Variants in ZNF727 observed in about 807,000 individuals in gnomAD.
ZNF727 encodes zinc finger protein 727, also known as putative zinc finger protein 727.
In ZNF727, 11 loss-of-function variants were observed where a neutral mutation model predicts 11.5. That is an observed-to-expected ratio of 0.95 (90% CI 0.60 to 1.58). ZNF727 has a LOEUF of 1.58. Among genes scored for constraint, ZNF727 ranks in the 40% most tolerant of loss-of-function variants. The pLI is 0.00. For synonymous variants in ZNF727, 171 were observed against 196.1 expected, an observed-to-expected ratio of 0.87 and a Z score of 1.07; for missense variants, 533 against 581.7, an observed-to-expected ratio of 0.92 and a Z score of 0.86.
chr7:64,076,926 T>C (rs952075810), intron 3 of ZNF727, among the ~76,000 whole-genome samples: 1 of 152,130 alleles, frequency 6.6e-6, no homozygotes, highest in African/African-American at 2.4e-5. Flanking sequence ...TACCACTGTT[T>C]TATTTATTTT....
chr7:64,055,379 C>T (rs1236916581), intron 1 of ZNF727, among the ~76,000 whole-genome samples: 1 of 151,362 alleles, frequency 6.6e-6, no homozygotes, highest in African/African-American at 2.4e-5. Context: ...GATCACACCA[C>T]TGCACTCCAG....
rs1372495236 is a variant in ZNF727 at position 64,045,486 on chromosome 7, C to T, written c.-136C>T. On this transcript the variant is annotated 5_prime_UTR_variant, in exon 1 of 4. Transcript: ENST00000456806. Reference sequence around the variant, plus strand: ...TCTCCTAGCTTCTAGGCTCTGAGTCCAGTACCCGTCTGTACTATTCCATCT... The same window carrying T: ...TCTCCTAGCTTCTAGGCTCTGAGTCTAGTACCCGTCTGTACTATTCCATCT... 2 of 1,221,744 alleles carry T rather than the reference C, an allele frequency of 1.6e-6. No individual in the cohort carries two copies. Among genetic ancestry groups the T allele is most frequent in the Non-Finnish European group, 2.4e-6 (2 of 847,762 alleles). 75.7% of individuals were successfully genotyped at this position (1,221,744 alleles called of 1,614,324 possible).
In ZNF727 at chr7:64,045,610, G is replaced by A. The variant is rs1317604644; in HGVS notation, c.-12G>A. On this transcript the variant is annotated 5_prime_UTR_variant, in exon 1 of 4. Coordinates refer to ENST00000456806, the MANE Select transcript of ZNF727 (RefSeq NM_001159522.3). ...CCATAGGGAAGAAGGCGGAACATCC[G>A]GAGGCTGGGAAATGGTGAGTGCGCG... The A allele has an allele frequency of 1.9e-6, 3 of 1,557,592 alleles. No individual in the cohort carries two copies. The highest frequency in any genetic ancestry group is 4.8e-5 in the East Asian group (2 of 41,406).
At chr7:64,063,725 C>A (rs1305367744) in intron 1 of ZNF727, among the ~76,000 whole-genome samples, 1 of 151,792 alleles carries the variant, frequency 6.6e-6, no homozygotes, top group Non-Finnish European at 1.5e-5. Context: ...AGCTCTTACC[C>A]ACCCTGGGCT....
Position 64,082,880 on chromosome 7 carries a change from C to CA in ZNF727, c.*4343dup, listed in dbSNP as rs112686141. Among the ~76,000 whole-genome samples, 6,345 of 146,702 alleles carry CA rather than the reference C, an allele frequency of 0.043. 341 individuals are homozygous for CA. The highest frequency in any genetic ancestry group is 0.18 in the East Asian group (911 of 4,960). ...CTGGTGAGAGAGCGAGACTCCGTCT[C>CA]AAAAAAAAAAAAGAAAGAATGCAGT... On this transcript the variant is annotated 3_prime_UTR_variant, in exon 4 of 4. Transcript: ENST00000456806.
intron 1 of ZNF727, among the ~76,000 whole-genome samples, chr7:64,050,782 G>GTGTGTGTGTATGTATGCATATGTATGTA (rs1789584611): frequency 7.8e-6 from 1 of 128,296 alleles, no homozygotes. Context: ...ATGTATGTGT[G>GTGTGTGTGTATGTATGCATATGTATGTA]TGTGTGTGTG....
rs185473601 is a variant in ZNF727, at chr7:64,066,560, C to T, written c.4-2331C>T. On this transcript the variant is annotated intron_variant, in intron 1 of 3. Coordinates refer to ENST00000456806, the MANE Select transcript of ZNF727 (RefSeq NM_001159522.3). Reference sequence around the variant, plus strand: ...AAAACAAGCAATGAGGAAAGGATTCCCTAGGTAATAAATGGTGCTGGGAAA... The same window carrying T: ...AAAACAAGCAATGAGGAAAGGATTCTCTAGGTAATAAATGGTGCTGGGAAA... Among the ~76,000 whole-genome samples, 204 of 152,192 alleles carry T rather than the reference C, an allele frequency of 1.3e-3. 1 individual carries two copies. The highest frequency in any genetic ancestry group is 3.4e-3 in the Admixed American group (52 of 15,284).
rs559068515 is a variant in ZNF727, at chr7:64,084,326, A to G, written c.*5777A>G. On this transcript the variant is annotated 3_prime_UTR_variant, in exon 4 of 4. Coordinates refer to ENST00000456806, the MANE Select transcript of ZNF727 (RefSeq NM_001159522.3). ...CAGTGAGTTTCAAAATGCCTTTTTA[A>G]TGACAATGTATGAACTTAATTTATT... is the stretch of plus-strand genomic sequence containing the variant. 1.1e-4 allele frequency among the ~76,000 whole-genome samples: 17 copies of G among 152,346 alleles called. No individual in the cohort carries two copies. The highest frequency in any genetic ancestry group is 2.1e-4 in the South Asian group (1 of 4,828).
chr7:64,051,188 A>T (rs1382080822), intron 1 of ZNF727, among the ~76,000 whole-genome samples: 1 of 152,216 alleles, frequency 6.6e-6, no homozygotes, highest in African/African-American at 2.4e-5. Flanking sequence ...ATAAACTGAA[A>T]TTTTAAGTTG....
chr7:64,064,810 G>T (rs1789837283), intron 1 of ZNF727, among the ~76,000 whole-genome samples: 1 of 152,096 alleles, frequency 6.6e-6, no homozygotes, highest in African/African-American at 2.4e-5. Context: ...GCCCCATGTT[G>T]CTTTCTGCTG....
chr7:64,074,559 G>A (rs1175682086), intron 3 of ZNF727, among the ~76,000 whole-genome samples: 1 of 152,090 alleles, frequency 6.6e-6, no homozygotes, highest in Non-Finnish European at 1.5e-5. Flanking sequence ...AGATTTGGTC[G>A]AGATTTGAGA....
At chr7:64,059,162 G>T (rs1789732701) in intron 1 of ZNF727, among the ~76,000 whole-genome samples, 1 of 151,946 alleles carries the variant, frequency 6.6e-6, no homozygotes, top group South Asian at 2.1e-4. Context: ...TCAGGCTGGT[G>T]TCAAACTCCT....
intron 1 of ZNF727, among the ~76,000 whole-genome samples, chr7:64,062,780 T>G (rs1789793568): frequency 6.7e-6 from 1 of 149,132 alleles, no homozygotes; most frequent in African/African-American, 2.4e-5. Context: ...CCATAACTTT[T>G]AGAATTGCCC....
At chr7:64,073,669 C>G (rs17139503) in intron 3 of ZNF727, among the ~76,000 whole-genome samples, 11,171 of 152,024 alleles carry the variant, frequency 0.073, 601 homozygotes, top group African/African-American at 0.14. Context: ...TAAAGACTTG[C>G]TTAAAGACTG....
intron 1 of ZNF727, among the ~76,000 whole-genome samples, chr7:64,046,011 G>A (rs1379888110): frequency 6.6e-6 from 1 of 151,926 alleles, no homozygotes; most frequent in Non-Finnish European, 1.5e-5. Flanking sequence ...TAAAAATTGT[G>A]GCTTATTTTA....
intron 1 of ZNF727, among the ~76,000 whole-genome samples, chr7:64,052,389 T>C (rs990115403): frequency 6.6e-6 from 1 of 151,354 alleles, no homozygotes; most frequent in African/African-American, 2.4e-5. Context: ...TTTTTTTTTT[T>C]TTTTTTTTTT....
intron 3 of ZNF727, among the ~76,000 whole-genome samples, chr7:64,074,214 C>G (rs1249990511): frequency 1.3e-5 from 2 of 152,126 alleles, no homozygotes; most frequent in African/African-American, 4.8e-5. Context: ...AAGGAGAAAA[C>G]AAGAGTTTAA....
intron 1 of ZNF727, among the ~76,000 whole-genome samples, chr7:64,049,382 C>G (rs1295300502): frequency 2.0e-5 from 3 of 151,860 alleles, no homozygotes; most frequent in Non-Finnish European, 2.9e-5. Flanking sequence ...TTAAGAAAAA[C>G]CACATCCTCT....
At chr7:64,063,039 G>A (rs1789798976) in intron 1 of ZNF727, among the ~76,000 whole-genome samples, 1 of 151,606 alleles carries the variant, frequency 6.6e-6, no homozygotes, top group Admixed American at 6.6e-5. Flanking sequence ...TTTGAATTTT[G>A]CTGAGCTTTT....
Sources: allele counts gnomAD v4.1 joint callset (sites outside exome capture counted in the v4.1 genomes callset), GRCh38; gene constraint gnomAD v4.1.1; transcripts MANE v1.5; gene names NCBI Gene and HGNC (gene_info 2026-07-23, HGNC 2026-07-21).